SIPA1L1: variants seen among roughly 807,000 people sequenced by gnomAD.
SIPA1L1 encodes the protein signal-induced proliferation-associated 1-like protein 1.
A neutral mutation model predicts 162.7 loss-of-function variants in SIPA1L1; 26 were observed. The ratio of observed to expected loss-of-function variants is 0.16; its 90% confidence interval spans 0.12 to 0.22. The LOEUF is 0.22. Among genes scored for constraint, SIPA1L1 ranks in the 10% least tolerant of loss-of-function variants. The pLI, the probability that SIPA1L1 is intolerant of heterozygous loss-of-function variation, is 1.00. For synonymous variants in SIPA1L1, 829 were observed against 837.4 expected, an observed-to-expected ratio of 0.99 and a Z score of 0.17; for missense variants, 1,874 against 2,241.0, an observed-to-expected ratio of 0.84 and a Z score of 3.31.
intron 6 of SIPA1L1, among the ~76,000 whole-genome samples, chr14:71,619,314 G>A (rs916714861): frequency 3.3e-5 from 5 of 152,040 alleles, no homozygotes; most frequent in Non-Finnish European, 5.9e-5. Context: ...TCATGTCTTC[G>A]CCCAAGAAGA....
intron 2 of SIPA1L1, among the ~76,000 whole-genome samples, chr14:71,477,438 G>A (rs577446521): frequency 6.6e-6 from 1 of 152,056 alleles, no homozygotes; most frequent in East Asian, 1.9e-4. Context: ...CTCCGATAGT[G>A]TTCTCTCTGG....
chr14:71,721,550 T>C (rs1329533656), intron 17 of SIPA1L1, among the ~76,000 whole-genome samples: 2 of 152,112 alleles, frequency 1.3e-5, no homozygotes, highest in African/African-American at 4.8e-5. Flanking sequence ...TGGCCCTGGG[T>C]GGGTCTGGAA....
chr14:71,705,426 G>A, intron 16 of SIPA1L1, 86 bp downstream of exon 16: 1 of 982,904 alleles, frequency 1.0e-6, no homozygotes. Flanking sequence ...TCTTTCCTCT[G>A]CATGGCCAAA....
chr14:71,707,034 A>AC (rs1440985409), intron 16 of SIPA1L1, among the ~76,000 whole-genome samples: 1 of 143,630 alleles, frequency 7.0e-6, no homozygotes, highest in Non-Finnish European at 1.5e-5. Flanking sequence ...GACTCCGTCA[A>AC]AAAAAAAAAA....
At chr14:71,432,675 A>G (rs2044084354) in intron 2 of SIPA1L1, among the ~76,000 whole-genome samples, 1 of 152,138 alleles carries the variant, frequency 6.6e-6, no homozygotes, top group African/African-American at 2.4e-5. Flanking sequence ...AGGGCAGGAG[A>G]AGGTCAGAGA....
intron 4 of SIPA1L1, among the ~76,000 whole-genome samples, chr14:71,559,220 A>G (rs2146527280): frequency 6.6e-6 from 1 of 152,190 alleles, no homozygotes; most frequent in African/African-American, 2.4e-5. Flanking sequence ...GGCATGCGCC[A>G]CCAGACCCAG....
In SIPA1L1 at chr14:71,594,674, A is replaced by G. The variant is rs1289630565; in HGVS notation, c.1498+5304A>G. Among the ~76,000 whole-genome samples, 3 of 152,348 alleles carry G rather than the reference A, an allele frequency of 2.0e-5. No homozygotes were observed. The South Asian group carries it at 6.2e-4, about 32-fold the overall frequency. On this transcript the variant is annotated intron_variant, in intron 5 of 23. Transcript: ENST00000381232. The stretch of plus-strand genomic sequence containing the variant: ...TTCTGCCAAAATGAATTGAATGGTG[A>G]AAGTTTTTATACATATATAATAATT...
intron 5 of SIPA1L1, among the ~76,000 whole-genome samples, chr14:71,601,655 G>A (rs1479645402): frequency 1.3e-5 from 2 of 152,108 alleles, no homozygotes; most frequent in East Asian, 3.9e-4. Context: ...GGAATACTTT[G>A]AGGAGAATTT....
intron 17 of SIPA1L1, among the ~76,000 whole-genome samples, chr14:71,712,809 T>G (rs1372805431): frequency 6.6e-6 from 1 of 152,214 alleles, no homozygotes; most frequent in Non-Finnish European, 1.5e-5. Flanking sequence ...TGTAACTGAC[T>G]GACCTGACTT....
chr14:71,543,542 A>G (rs2054664279), intron 4 of SIPA1L1, among the ~76,000 whole-genome samples: 1 of 152,164 alleles, frequency 6.6e-6, no homozygotes, highest in African/African-American at 2.4e-5. Context: ...CACATTTCTT[A>G]CCAGTATTTG....
At chr14:71,394,050 A>G (rs763569507) in intron 2 of SIPA1L1, among the ~76,000 whole-genome samples, 1 of 152,378 alleles carries the variant, frequency 6.6e-6, no homozygotes, top group East Asian at 1.9e-4. Context: ...TTGCTAGGGC[A>G]GCGTTGTTAT....
At chr14:71,564,096 A>T (rs1298197216) in intron 4 of SIPA1L1, among the ~76,000 whole-genome samples, 1 of 152,028 alleles carries the variant, frequency 6.6e-6, no homozygotes, top group East Asian at 1.9e-4. Flanking sequence ...ACAGGCGTGT[A>T]CCAGCATGCC....
chr14:71,630,492 A>G (rs1023339607), intron 7 of SIPA1L1, among the ~76,000 whole-genome samples: 1 of 152,240 alleles, frequency 6.6e-6, no homozygotes, highest in African/African-American at 2.4e-5. Flanking sequence ...ATCACACGTG[A>G]GGACTTGGAT....
intron 2 of SIPA1L1, among the ~76,000 whole-genome samples, chr14:71,440,885 TG>T (rs943970956): frequency 6.6e-6 from 1 of 152,068 alleles, no homozygotes; most frequent in Non-Finnish European, 1.5e-5. Flanking sequence ...TTGATGGTTT[TG>T]GGGTAGGTGA....
In SIPA1L1 at chr14:71,485,486, C is replaced by A. The variant is rs200426545; in HGVS notation, c.-464-27257C>A. 7.2e-5 allele frequency among the ~76,000 whole-genome samples: 11 copies of A among 152,110 alleles called. No individual in the cohort carries two copies. In the East Asian group the frequency reaches 1.7e-3, roughly 24 times the overall value. ...ATAGGAGTGCAAACCCTATTGTGAACTGTGCATGTGAGGGATCTAGGTTAC... is the reference window on the plus strand; with the variant it reads ...ATAGGAGTGCAAACCCTATTGTGAAATGTGCATGTGAGGGATCTAGGTTAC... On this transcript the variant is annotated intron_variant, in intron 2 of 23. Coordinates refer to ENST00000381232, the MANE Select transcript of SIPA1L1 (RefSeq NM_001386936.1).
At chr14:71,646,393 C>G (rs1459699013) in intron 7 of SIPA1L1, among the ~76,000 whole-genome samples, 3 of 152,114 alleles carry the variant, frequency 2.0e-5, no homozygotes, top group African/African-American at 7.2e-5. Flanking sequence ...AGTCAGGATG[C>G]TCTCAATCTC....
rs573182203 is a variant in SIPA1L1 at position 71,393,609 on chromosome 14, A to C, written c.-465+72428A>C. Among the ~76,000 whole-genome samples the C allele has an allele frequency of 5.3e-5, 8 of 152,236 alleles. No individual in the cohort carries two copies. In the South Asian group the frequency reaches 8.3e-4, roughly 16 times the overall value. ...GATCAGATGAGGCAAGACGTTCAAG[A>C]CCAGCTTGGGCAACATAGCAAAACC... is the stretch of plus-strand genomic sequence containing the variant. On this transcript the variant is annotated intron_variant, in intron 2 of 23. Transcript: ENST00000381232.
chr14:71,558,884 G>A (rs1237204335), intron 4 of SIPA1L1, among the ~76,000 whole-genome samples: 2 of 152,018 alleles, frequency 1.3e-5, no homozygotes, highest in Non-Finnish European at 2.9e-5. Context: ...CGGTCTTGCT[G>A]TATTGCCAAG....
chr14:71,485,005 C>T (rs1454523274), intron 2 of SIPA1L1, among the ~76,000 whole-genome samples: 1 of 152,180 alleles, frequency 6.6e-6, no homozygotes, highest in Non-Finnish European at 1.5e-5. Flanking sequence ...TACTCCATCC[C>T]AGCCCTGTGG....
Sources: allele counts gnomAD v4.1 joint callset (sites outside exome capture counted in the v4.1 genomes callset), GRCh38; gene constraint gnomAD v4.1.1; transcripts MANE v1.5; gene names NCBI Gene and HGNC (gene_info 2026-07-23, HGNC 2026-07-21).